SMAD1: variants seen among roughly 807,000 people sequenced by gnomAD.
SMAD1 encodes SMAD family member 1, also known as MAD, mothers against decapentaplegic homolog 1.
Under a neutral mutation model 41.6 loss-of-function variants are expected in SMAD1, and 6 were observed. The observed-to-expected ratio is 0.14, with a 90% confidence interval of 0.08 to 0.28. The LOEUF (loss-of-function observed/expected upper bound fraction) is 0.28. SMAD1 is among the 10% of genes least tolerant of loss of function. The pLI is 1.00. For missense variants in SMAD1, 379 were observed against 582.6 expected (o/e 0.65, Z 3.60); for synonymous variants, 206 against 203.2 (o/e 1.01, Z -0.12).
At chr4:145,494,335 C>G (rs1020911783) in intron 1 of SMAD1, among the ~76,000 whole-genome samples, 1 of 152,188 alleles carries the variant, frequency 6.6e-6, no homozygotes, top group Non-Finnish European at 1.5e-5. Flanking sequence ...ATCTCTTAGA[C>G]AGCTTGATAA....
chr4:145,540,116 G>A, intron 3 of SMAD1, 55 bp downstream of exon 3: 1 of 1,595,934 alleles, frequency 6.3e-7, no homozygotes, highest in Non-Finnish European at 8.6e-7. Context: ...TGTTATCACA[G>A]TGTCACGGAA....
intron 2 of SMAD1, among the ~76,000 whole-genome samples, chr4:145,529,515 C>A: frequency 6.6e-6 from 1 of 152,188 alleles, no homozygotes; most frequent in East Asian, 1.9e-4. Flanking sequence ...ATTCATACAG[C>A]TAAGACCGTG....
At chr4:145,530,752 A>G (rs919402425) in intron 2 of SMAD1, among the ~76,000 whole-genome samples, 7 of 151,996 alleles carry the variant, frequency 4.6e-5, no homozygotes, top group Non-Finnish European at 1.0e-4. Flanking sequence ...AAAAACAAAC[A>G]GAAGGATGGA....
chr4:145,481,723 C>T (rs1007781480), upstream of SMAD1: 1 of 178,662 alleles, frequency 5.6e-6, no homozygotes, highest in Non-Finnish European at 1.1e-5. Context: ...CCTGGTCGCG[C>T]GGCAGCGGCG....
intron 4 of SMAD1, chr4:145,545,787 A>G (rs1220001211): frequency 6.6e-6 from 1 of 152,202 alleles, no homozygotes; most frequent in Non-Finnish European, 1.5e-5. Flanking sequence ...TATGCTGGAA[A>G]TATATGGTTT....
chr4:145,514,735 T>G lies in SMAD1; in HGVS notation c.122T>G (p.Leu41Arg). 6.2e-7 allele frequency: 1 copy of G among 1,613,948 alleles called. No homozygotes were observed. ...EKAVDALVKK[L>R]KKKKGAMEEL... ...GCTGTTGATGCTTTGGTGAAAAAAC[T>G]GAAGAAAAAGAAAGGTGCCATGGAG... Residue 41 changes from leucine to arginine, a missense_variant, in exon 2 of 7, where the codon CTG becomes CGG. Leu to Arg is a moderately radical substitution (Grantham distance 102). This residue lies in a region of SMAD1 where 64 missense variants were observed against 153.9 expected (regional missense o/e 0.42). Coordinates refer to ENST00000302085, the MANE Select transcript of SMAD1 (RefSeq NM_005900.3). This position sits in a 1 kb window ranked among gnomAD's most constrained non-coding sequence, Gnocchi z 4.7.
At chr4:145,493,126 A>T (rs942014121) in intron 1 of SMAD1, among the ~76,000 whole-genome samples, 2 of 152,182 alleles carry the variant, frequency 1.3e-5, no homozygotes, top group African/African-American at 4.8e-5. Flanking sequence ...CCCATCCTTA[A>T]GTCCTTTCTG....
intron 1 of SMAD1, among the ~76,000 whole-genome samples, chr4:145,506,408 T>C (rs1729786778): frequency 1.3e-5 from 2 of 152,156 alleles, no homozygotes; most frequent in Admixed American, 1.3e-4. Context: ...ACGGAGAGTT[T>C]TTGGATTTTT....
At chr4:145,532,712 G>A (rs1283111004) in intron 2 of SMAD1, among the ~76,000 whole-genome samples, 1 of 152,158 alleles carries the variant, frequency 6.6e-6, no homozygotes, top group Non-Finnish European at 1.5e-5. Flanking sequence ...CTAAGAAAGT[G>A]GTTCCCCAGA....
intron 5 of SMAD1, among the ~76,000 whole-genome samples, chr4:145,552,886 T>G (rs896348082): frequency 6.8e-6 from 1 of 147,270 alleles, no homozygotes; most frequent in African/African-American, 2.7e-5. Flanking sequence ...AAAATGAAAT[T>G]GCTACATGTT....
At chr4:145,553,506 C>CT (rs1189415090) in intron 5 of SMAD1, among the ~76,000 whole-genome samples, 1 of 152,132 alleles carries the variant, frequency 6.6e-6, no homozygotes, top group Non-Finnish European at 1.5e-5. Flanking sequence ...CTATGAGAAT[C>CT]TAATGCTGCC....
intron 1 of SMAD1, among the ~76,000 whole-genome samples, chr4:145,506,648 T>C (rs1027691489): frequency 6.6e-6 from 1 of 152,132 alleles, no homozygotes; most frequent in Non-Finnish European, 1.5e-5. Context: ...TACTCCTTCC[T>C]TTAAAAAACA....
At chr4:145,535,172 A>C (rs72946745) in intron 2 of SMAD1, among the ~76,000 whole-genome samples, 2 of 152,222 alleles carry the variant, frequency 1.3e-5, no homozygotes, top group Non-Finnish European at 2.9e-5. Flanking sequence ...GTCACCCATC[A>C]GGTTGTCAGG....
intron 1 of SMAD1, among the ~76,000 whole-genome samples, chr4:145,501,495 T>A (rs1268252106): frequency 6.6e-6 from 1 of 152,288 alleles, no homozygotes; most frequent in East Asian, 1.9e-4. Flanking sequence ...GATCTAAATA[T>A]AGGAAGAGAG....
At chr4:145,551,728 T>A (rs999368822) in intron 5 of SMAD1, among the ~76,000 whole-genome samples, 3 of 152,194 alleles carry the variant, frequency 2.0e-5, no homozygotes, top group African/African-American at 7.2e-5. Context: ...TAGGGACGTT[T>A]TGTTTTTGCT....
At chr4:145,549,020 A>C (rs1382483140) in intron 5 of SMAD1, among the ~76,000 whole-genome samples, 1 of 152,198 alleles carries the variant, frequency 6.6e-6, no homozygotes, top group Non-Finnish European at 1.5e-5. Context: ...AATCCTGAGG[A>C]AATATCAGAC....
chr4:145,554,521 G>A (rs1371525148), intron 6 of SMAD1, among the ~76,000 whole-genome samples: 1 of 151,740 alleles, frequency 6.6e-6, no homozygotes, highest in Non-Finnish European at 1.5e-5. Context: ...GTTTGGTCAG[G>A]TTTTTTTTAG....
At chr4:145,542,780 T>G in intron 4 of SMAD1, 82 bp downstream of exon 4, 1 of 909,378 alleles carries the variant, frequency 1.1e-6, no homozygotes, top group Non-Finnish European at 1.7e-6. Flanking sequence ...TTTTTATTAG[T>G]CTTTAAAAAG....
chr4:145,518,299 TGCA>T lies in SMAD1; in HGVS notation c.400+3290_400+3292del, dbSNP rs554574199. On this transcript the variant is annotated intron_variant, in intron 2 of 6. Coordinates refer to ENST00000302085, the MANE Select transcript of SMAD1 (RefSeq NM_005900.3). The stretch of plus-strand genomic sequence containing the variant: ...TCTCAGAAAAATAAAGTTAAAAAAA[TGCA>T]GCATAGTAAAACCCCATCTCTACTA... 1.7e-3 allele frequency among the ~76,000 whole-genome samples: 209 copies of T among 124,620 alleles called. 14 individuals carry two copies. The highest frequency in any genetic ancestry group is 5.0e-3 in the African/African-American group (195 of 39,198). 81.8% of individuals were successfully genotyped at this position (124,620 alleles called of 152,430 possible).
Sources: allele counts gnomAD v4.1 joint callset (sites outside exome capture counted in the v4.1 genomes callset), GRCh38; gene constraint gnomAD v4.1.1; regional missense constraint gnomAD v4.1.1; non-coding constraint Gnocchi (gnomAD v3.1); transcripts MANE v1.5; gene names NCBI Gene and HGNC (gene_info 2026-07-23, HGNC 2026-07-21).